Variants in KIF18B observed in about 807,000 individuals in gnomAD.
The protein encoded by KIF18B is kinesin family member 18B.
KIF18B carries 49 observed loss-of-function variants against 80.9 expected under a neutral mutation model. The observed-to-expected ratio is 0.61, with a 90% confidence interval of 0.48 to 0.77. KIF18B has a LOEUF of 0.77. Ranked by LOEUF, KIF18B falls within the 30% of genes least tolerant of loss-of-function variation. The probability of loss-of-function intolerance (pLI) is 0.00; values close to 1 mark genes in which losing one functional copy is unlikely to be tolerated. For missense variants in KIF18B, 994 were observed against 1,127.7 expected (o/e 0.88, Z 1.70); for synonymous variants, 439 against 463.9 (o/e 0.95, Z 0.69).
At position 44,934,580 on chromosome 17, in the gene KIF18B, C is replaced by G; in HGVS notation, c.614G>C (p.Arg205Thr). The G allele has an allele frequency of 1.2e-6, 2 of 1,612,296 alleles. No individual in the cohort carries two copies. Among genetic ancestry groups the G allele is most frequent in the Non-Finnish European group, 1.7e-6 (2 of 1,179,238 alleles). Residue 205 changes from arginine to threonine, a missense_variant, in exon 5 of 16, where the codon AGG becomes ACG. Arg to Thr is a moderately conservative substitution (Grantham distance 71, BLOSUM62 -1). Transcript: ENST00000593135. The surrounding 1 kb of genome is among the most constrained non-coding windows in gnomAD (Gnocchi z 5.4). ...GTGCTGCGTGCGGTTACGGTTCCCC[C>G]TGGTCAGTATCTCCAGCAGCTGCTC... is the stretch of plus-strand genomic sequence containing the variant. Reference protein sequence around the residue: ...SAEQLLEILTRGNRNRTQHPT... With the variant: ...SAEQLLEILTTGNRNRTQHPT...
chr17:44,927,382 T>C lies in KIF18B; in HGVS notation c.2277-304A>G, dbSNP rs2052051194. On this transcript the variant is annotated intron_variant, in intron 13 of 15. Transcript: ENST00000593135. This position sits in a 1 kb window ranked among gnomAD's most constrained non-coding sequence, Gnocchi z 4.1. ...TTACCGAGAGCTGCTTCTCGGGCTATGGAATGGGCGGGTGCGTGGGTGGGC... is the reference window on the plus strand; with the variant it reads ...TTACCGAGAGCTGCTTCTCGGGCTACGGAATGGGCGGGTGCGTGGGTGGGC... Among the ~76,000 whole-genome samples, 2 of 151,990 alleles carry C rather than the reference T, an allele frequency of 1.3e-5. No individual in the cohort carries two copies. Among genetic ancestry groups the C allele is most frequent in the African/African-American group, 4.8e-5 (2 of 41,410 alleles).
rs184131222 is a variant in KIF18B at position 44,938,870 on chromosome 17, C to T, written c.-14-2512G>A. On this transcript the variant is annotated intron_variant, in intron 1 of 15. Coordinates refer to ENST00000593135, the MANE Select transcript of KIF18B (RefSeq NM_001265577.2). ...GACCAGCTTGACTAACATGAAGAAA[C>T]CCCGTCTCTACTGAAAATACAAAAT... 2.2e-4 allele frequency among the ~76,000 whole-genome samples: 34 copies of T among 151,728 alleles called. 1 individual carries two copies. Among genetic ancestry groups the T allele is most frequent in the African/African-American group, 8.2e-4 (34 of 41,350 alleles).
rs2052151322 is a variant in KIF18B, at chr17:44,931,693, C to T, written c.1426G>A (p.Ala476Thr). 1 of 1,613,852 alleles carries T rather than the reference C, an allele frequency of 6.2e-7. No individual in the cohort carries two copies. The highest frequency in any genetic ancestry group is 1.3e-5 in the African/African-American group (1 of 74,908). ...GTCAGGCGAGGGGACTCTGGCAGTG[C>T]ATGTGTGGGGTTCTGCTCTGGCATC... is the stretch of plus-strand genomic sequence containing the variant. ...TQMPEQNPTH[A>T]LPESPRLTLQ... Residue 476 changes from alanine to threonine, a missense_variant, in exon 11 of 16, where the codon GCA (alanine) becomes ACA (threonine). Transcript: ENST00000593135.
At position 44,928,278 on chromosome 17, in the gene KIF18B, G is replaced by A; in HGVS notation, c.2024C>T (p.Pro675Leu). ...DTQPSQGPSTPKGERASSPCH... is the reference protein window; with the variant it reads ...DTQPSQGPSTLKGERASSPCH... ...GGGGGAGGAGGCCCTTTCTCCTTTG[G>A]GGGTGCTGGGCCCCTGTGAAGGTTG... The change falls in exon 13 of 16, where the codon CCC becomes CTC. Residue 675 changes from proline to leucine, a missense_variant. Coordinates refer to ENST00000593135, the MANE Select transcript of KIF18B (RefSeq NM_001265577.2). 3 of 1,613,522 alleles carry A rather than the reference G, an allele frequency of 1.9e-6. No homozygotes were observed. Among genetic ancestry groups the A allele is most frequent in the Non-Finnish European group, 2.5e-6 (3 of 1,179,798 alleles).
chr17:44,944,736 T>C (rs1247684010), intron 1 of KIF18B, among the ~76,000 whole-genome samples: 2 of 152,250 alleles, frequency 1.3e-5, no homozygotes, highest in African/African-American at 4.8e-5. Flanking sequence ...GTTTCCTCTA[T>C]GGAAAATTGA....
Position 44,936,114 on chromosome 17 carries a change from G to A in KIF18B, c.231C>T (p.Gly77=), listed in dbSNP as rs780348089. The part of the protein sequence containing the change: ...DLTFVFDRVF[G]EAATQQDVFQ... ...ACACGTCCTGTTGGGTGGCCGCCTC[G>A]CCAAAGACCCGGTCAAAGACAAACG... The change falls in exon 2 of 16, where the codon GGC becomes GGT. Residue 77 remains glycine (G), a synonymous_variant. Coordinates refer to ENST00000593135, the MANE Select transcript of KIF18B (RefSeq NM_001265577.2). 6.1e-5 allele frequency: 98 copies of A among 1,613,636 alleles called. No homozygotes were observed. Among genetic ancestry groups the A allele is most frequent in the Admixed American group, 2.2e-4 (13 of 59,998 alleles).
At chr17:44,936,434 C>T (rs560890387) in intron 1 of KIF18B, 76 bp from the exon 2 acceptor site, 437 of 1,257,594 alleles carry the variant, frequency 3.5e-4, no homozygotes, top group South Asian at 7.7e-4. Flanking sequence ...ACTCCAAGGT[C>T]CCCTCCACCC....
At chr17:44,947,093 AG>A (rs1256815719) in intron 1 of KIF18B, among the ~76,000 whole-genome samples, 1 of 26,480 alleles carries the variant, frequency 3.8e-5, no homozygotes, top group African/African-American at 1.3e-3. Flanking sequence ...TGGGAGACAG[AG>A]AGAGAGAGAC....
intron 1 of KIF18B, among the ~76,000 whole-genome samples, chr17:44,940,424 A>G (rs1347922391): frequency 6.6e-6 from 1 of 152,206 alleles, no homozygotes; most frequent in Non-Finnish European, 1.5e-5. Context: ...GACTCAACAG[A>G]TTTCCTAATG....
chr17:44,940,336 T>G (rs75467187), intron 1 of KIF18B, among the ~76,000 whole-genome samples: 7,357 of 152,356 alleles, frequency 0.048, 262 homozygotes, highest in Non-Finnish European at 0.079. Flanking sequence ...GAATGGGTGT[T>G]GAATTTTATC....
Position 44,934,813 on chromosome 17 carries a change from C to G in KIF18B, c.576+18G>C. The G allele has an allele frequency of 6.6e-7, 1 of 1,520,450 alleles. No homozygotes were observed. The highest frequency in any genetic ancestry group is 8.9e-7 in the Non-Finnish European group (1 of 1,120,804). The allele number at this position is 1,520,450 out of a possible 1,614,324, so 94.2% of individuals were successfully genotyped here. Reference sequence around the variant, plus strand: ...GGACCCATGGGGCCGATCATCCTACCCGAGCCCAATCCCACACCTGGTGGA... The same window carrying G: ...GGACCCATGGGGCCGATCATCCTACGCGAGCCCAATCCCACACCTGGTGGA... On this transcript the variant is annotated intron_variant, in intron 4 of 15. Transcript: ENST00000593135. This position sits in a 1 kb window ranked among gnomAD's most constrained non-coding sequence, Gnocchi z 5.4.
At position 44,947,113 on chromosome 17, in the gene KIF18B, C is replaced by CAAAAAAAAAAAAA. The variant is rs57955845; in HGVS notation, c.-15+502_-15+514dup. Among the ~76,000 whole-genome samples the CAAAAAAAAAAAAA allele has an allele frequency of 3.6e-3, 194 of 54,000 alleles. 9 individuals are homozygous for CAAAAAAAAAAAAA. The highest frequency in any genetic ancestry group is 9.1e-3 in the African/African-American group (140 of 15,386). 35.4% of individuals were successfully genotyped at this position (54,000 alleles called of 152,430 possible). On this transcript the variant is annotated intron_variant, in intron 1 of 15. Coordinates refer to ENST00000593135, the MANE Select transcript of KIF18B (RefSeq NM_001265577.2). ...GACAGAGAGAGAGAGACTCCATCTCCAAAAAAAAAAAAAAAAAAAAAAAAA... is the reference window on the plus strand; with the variant it reads ...GACAGAGAGAGAGAGACTCCATCTCCAAAAAAAAAAAAAAAAAAAAAAAAAAAAAAAAAAAAAA...
At chr17:44,929,178 A>G (rs1301421461) in intron 11 of KIF18B, among the ~76,000 whole-genome samples, 154 bp from the exon 12 acceptor site, 1 of 152,192 alleles carries the variant, frequency 6.6e-6, no homozygotes, top group Non-Finnish European at 1.5e-5. Flanking sequence ...CAGGCTAGCC[A>G]GACTCACCAC....
Position 44,934,472 on chromosome 17 carries a change from G to T in KIF18B, c.687+35C>A, listed in dbSNP as rs2052232860. 6.2e-7 allele frequency: 1 copy of T among 1,605,500 alleles called. No individual in the cohort carries two copies. The highest frequency in any genetic ancestry group is 1.3e-5 in the African/African-American group (1 of 74,798). On this transcript the variant is annotated intron_variant, in intron 5 of 15. Coordinates refer to ENST00000593135, the MANE Select transcript of KIF18B (RefSeq NM_001265577.2). The surrounding 1 kb of genome is among the most constrained non-coding windows in gnomAD (Gnocchi z 5.4). Reference sequence around the variant, plus strand: ...GGGGTGAGGGGGAGATGGGCATCAGGGGCACTGGTTTCAGGCTCTGACCCA... The same window carrying T: ...GGGGTGAGGGGGAGATGGGCATCAGTGGCACTGGTTTCAGGCTCTGACCCA...
At position 44,927,068 on chromosome 17, in the gene KIF18B, G is replaced by T; in HGVS notation, c.2287C>A (p.Pro763Thr). The T allele has an allele frequency of 1.2e-6, 2 of 1,610,432 alleles. No homozygotes were observed. Among genetic ancestry groups the T allele is most frequent in the Non-Finnish European group, 1.7e-6 (2 of 1,178,204 alleles). The change falls in exon 14 of 16, where the codon CCC (proline) becomes ACC (threonine). Residue 763 changes from proline to threonine, a missense_variant. Physicochemically the swap from Pro to Thr is conservative, Grantham distance 38 (BLOSUM62 -1). Transcript: ENST00000593135. This position sits in a 1 kb window ranked among gnomAD's most constrained non-coding sequence, Gnocchi z 4.1. ...DQPFIPRAPVPLFTMKGPKPT... is the reference protein window; with the variant it reads ...DQPFIPRAPVTLFTMKGPKPT... ...TTGGGGCCCTTCATGGTGAACAGGG[G>T]CACAGGTGCCCTGGGGAGGGAGGAC...
rs533054258 is a variant in KIF18B at position 44,934,640 on chromosome 17, C to A, written c.577-23G>T. The A allele has an allele frequency of 5.7e-6, 9 of 1,566,476 alleles. No individual in the cohort carries two copies. Among genetic ancestry groups the A allele is most frequent in the Non-Finnish European group, 7.8e-6 (9 of 1,154,132 alleles). On this transcript the variant is annotated intron_variant, in intron 4 of 15. Transcript: ENST00000593135. The surrounding 1 kb of genome is among the most constrained non-coding windows in gnomAD (Gnocchi z 5.4). ...TGGCTACAGAGGAGAAGCCCAGGAACGGGGCTGTGGGTTCCCGGATCAGGA... is the reference window on the plus strand; with the variant it reads ...TGGCTACAGAGGAGAAGCCCAGGAAAGGGGCTGTGGGTTCCCGGATCAGGA...
At chr17:44,941,961 G>T (rs557325436) in intron 1 of KIF18B, among the ~76,000 whole-genome samples, 1 of 152,234 alleles carries the variant, frequency 6.6e-6, no homozygotes, top group South Asian at 2.1e-4. Context: ...TGGTGCTGGG[G>T]GCGTGGGGCA....
At chr17:44,941,867 C>A (rs1262972647) in intron 1 of KIF18B, among the ~76,000 whole-genome samples, 3 of 152,218 alleles carry the variant, frequency 2.0e-5, no homozygotes, top group Non-Finnish European at 4.4e-5. Context: ...TGCTCATAAC[C>A]TTTACAGTTC....
intron 1 of KIF18B, among the ~76,000 whole-genome samples, chr17:44,946,733 A>G (rs1285302653): frequency 6.6e-6 from 1 of 152,176 alleles, no homozygotes; most frequent in East Asian, 1.9e-4. Context: ...TCAGTTCCCT[A>G]AAAGGTCAAA....
Sources: gnomAD v4.1 joint callset for allele counts (sites outside exome capture counted in the v4.1 genomes callset) on GRCh38, gnomAD v4.1.1 for gene constraint, Gnocchi (gnomAD v3.1) non-coding constraint, MANE v1.5 for transcripts, NCBI Gene and HGNC (gene_info 2026-07-23, HGNC 2026-07-21) for gene names.